The following PKHD1 variants were observed in gnomAD, a reference collection of about 807,000 sequenced individuals.
PKHD1 encodes the protein fibrocystin.
In PKHD1, 291 loss-of-function variants were observed where a neutral mutation model predicts 412.0. That is an observed-to-expected ratio of 0.71 (90% confidence interval 0.64 to 0.78). The LOEUF (loss-of-function observed/expected upper bound fraction) is 0.78, where lower values mean the gene tolerates loss of function less well. Among genes scored for constraint, PKHD1 ranks in the 30% least tolerant of loss-of-function variants. PKHD1 has a pLI of 0.00. For missense variants in PKHD1, 4,825 were observed against 4,950.7 expected (o/e 0.97, Z 0.76); for synonymous variants, 1,777 against 1,821.5 (o/e 0.98, Z 0.62).
chr6:51,950,433 G>T (rs563180170), intron 36 of PKHD1, among the ~76,000 whole-genome samples: 12 of 152,128 alleles, frequency 7.9e-5, no homozygotes, highest in African/African-American at 2.4e-4. Context: ...TTTGGGAAAT[G>T]AGTAGTTGGG....
chr6:51,846,685 TG>T (rs1771219046), intron 50 of PKHD1, among the ~76,000 whole-genome samples: 1 of 152,166 alleles, frequency 6.6e-6, no homozygotes, highest in South Asian at 2.1e-4. Flanking sequence ...GAAAAACCTT[TG>T]GCCTCTGTGA....
At chr6:51,767,651 A>G (rs1789335658) in intron 55 of PKHD1, among the ~76,000 whole-genome samples, 1 of 152,038 alleles carries the variant, frequency 6.6e-6, no homozygotes, top group African/African-American at 2.4e-5. Context: ...TGAACTCATC[A>G]TTTTTTATGG....
At chr6:51,990,720 C>G (rs939547682) in intron 35 of PKHD1, among the ~76,000 whole-genome samples, 5 of 152,122 alleles carry the variant, frequency 3.3e-5, no homozygotes, top group East Asian at 1.9e-4. Context: ...CTATCCCACT[C>G]TTTTCCCATC....
intron 35 of PKHD1, among the ~76,000 whole-genome samples, chr6:51,987,167 A>G (rs549987217): frequency 6.6e-6 from 1 of 152,358 alleles, no homozygotes; most frequent in East Asian, 1.9e-4. Flanking sequence ...CTCAGAGTCC[A>G]GTTGTTTTCT....
At chr6:51,772,648 G>A in intron 55 of PKHD1, 54 bp downstream of exon 55, 4 of 851,922 alleles carry the variant, frequency 4.7e-6, no homozygotes, top group Non-Finnish European at 7.8e-6. Flanking sequence ...ATCTCAAGCA[G>A]AAGCAACCTA....
chr6:51,795,007 G>A (rs74351029), intron 52 of PKHD1, among the ~76,000 whole-genome samples: 7 of 152,024 alleles, frequency 4.6e-5, no homozygotes, highest in South Asian at 2.1e-4. Context: ...TTGGCTATTC[G>A]GGCTCTTGTT....
intron 51 of PKHD1, among the ~76,000 whole-genome samples, chr6:51,834,761 T>C (rs1768895094): frequency 6.6e-6 from 1 of 152,174 alleles, no homozygotes; most frequent in African/African-American, 2.4e-5. Flanking sequence ...ACTCTTTGTG[T>C]TTTGAAATAG....
intron 60 of PKHD1, among the ~76,000 whole-genome samples, chr6:51,723,195 G>C (rs1044741110): frequency 2.6e-5 from 4 of 152,154 alleles, no homozygotes; most frequent in African/African-American, 9.7e-5. Flanking sequence ...TCTTAAAGGT[G>C]TCCTTTTGCT....
At position 51,616,664 on chromosome 6, in the gene PKHD1, A is replaced by T. The variant is rs564815142; in HGVS notation, c.*2417T>A. 4 of 398,406 alleles carry T rather than the reference A, an allele frequency of 1.0e-5. No homozygotes were observed. In the East Asian group the frequency reaches 1.4e-4, roughly 14 times the overall value. The allele number at this position is 398,406 out of a possible 1,614,324, so 24.7% of individuals were successfully genotyped here. A position where few individuals can be genotyped will look rare whatever the true frequency, so the allele number is the denominator to read the frequency against. ...GTTTATAGCTGCTATTTAGGCCCAA[A>T]GAGTCAATTCTGGCCTCAGGGATCA... On this transcript the variant is annotated 3_prime_UTR_variant, in exon 67 of 67. Coordinates refer to ENST00000371117, the MANE Select transcript of PKHD1 (RefSeq NM_138694.4).
intron 51 of PKHD1, among the ~76,000 whole-genome samples, chr6:51,835,347 T>C (rs942027543): frequency 2.0e-5 from 3 of 152,112 alleles, no homozygotes; most frequent in Non-Finnish European, 2.9e-5. Context: ...ATCAAATCTC[T>C]CCTTGGAGAA....
At chr6:52,078,751 A>C (rs948288018) in intron 5 of PKHD1, among the ~76,000 whole-genome samples, 16 of 152,198 alleles carry the variant, frequency 1.1e-4, no homozygotes, top group African/African-American at 3.6e-4. Flanking sequence ...GGTGAAAAGG[A>C]TCATGGTGAT....
At chr6:51,660,556 C>T (rs1246620322) in intron 60 of PKHD1, among the ~76,000 whole-genome samples, 1 of 152,154 alleles carries the variant, frequency 6.6e-6, no homozygotes, top group Non-Finnish European at 1.5e-5. Context: ...TTCTGAACAA[C>T]TGGCTATATA....
chr6:51,748,694 T>G (rs747265912), intron 57 of PKHD1, 29 bp from the exon 58 acceptor site: 9 of 1,608,034 alleles, frequency 5.6e-6, no homozygotes, highest in Non-Finnish European at 7.7e-6. Context: ...CATCAGGTAC[T>G]TTCCTCTTCC....
chr6:51,632,705 C>A lies in PKHD1; in HGVS notation c.11525G>T (p.Arg3842Leu), dbSNP rs76572975. 32,872 of 1,612,948 alleles carry A rather than the reference C, an allele frequency of 0.02. 441 individuals carry two copies. The highest frequency in any genetic ancestry group is 0.048 in the Middle Eastern group (292 of 6,052). The change falls in exon 65 of 67, where the codon CGA becomes CTA. Residue 3842 changes from arginine to leucine, a missense_variant. Arg to Leu is a moderately radical substitution (Grantham distance 102, BLOSUM62 -2). Coordinates refer to ENST00000371117, the MANE Select transcript of PKHD1 (RefSeq NM_138694.4). ...TSPPGVNFTA[R>L]SKPFAVLPVT... Reference sequence around the variant, plus strand: ...AGGCAAGACAGCAAATGGCTTGGATCGAGCTGTAAAATTGACTCCTGTGGC... The same window carrying A: ...AGGCAAGACAGCAAATGGCTTGGATAGAGCTGTAAAATTGACTCCTGTGGC...
intron 39 of PKHD1, 60 bp downstream of exon 39, chr6:51,911,739 A>C: frequency 7.0e-7 from 1 of 1,432,344 alleles, no homozygotes; most frequent in Non-Finnish European, 9.8e-7. Context: ...GCCATCTATC[A>C]TCAGACAGTA....
chr6:51,868,379 T>C (rs1300212413), intron 47 of PKHD1, among the ~76,000 whole-genome samples: 1 of 152,230 alleles, frequency 6.6e-6, no homozygotes, highest in East Asian at 1.9e-4. Flanking sequence ...GCAGTGATTT[T>C]TCTATCATGG....
chr6:52,079,026 G>A (rs755553161), intron 5 of PKHD1, among the ~76,000 whole-genome samples: 3 of 152,290 alleles, frequency 2.0e-5, no homozygotes, highest in South Asian at 4.1e-4. Context: ...GCCTTATTCC[G>A]AAGGAGCATT....
chr6:51,895,943 T>A (rs890232839), intron 43 of PKHD1, among the ~76,000 whole-genome samples: 3 of 152,132 alleles, frequency 2.0e-5, no homozygotes, highest in Non-Finnish European at 4.4e-5. Flanking sequence ...CCCACCCGAA[T>A]ACTGCGCTTT....
intron 56 of PKHD1, 41 bp downstream of exon 56, chr6:51,754,743 T>C (rs373527091): frequency 1.3e-5 from 21 of 1,584,090 alleles, no homozygotes; most frequent in Non-Finnish European, 1.7e-5. Context: ...ATGGTCTTCC[T>C]AGCTCATTCA....
Sources: gnomAD v4.1 joint callset for allele counts (sites outside exome capture counted in the v4.1 genomes callset) on GRCh38, gnomAD v4.1.1 for gene constraint, MANE v1.5 for transcripts, NCBI Gene and HGNC (gene_info 2026-07-23, HGNC 2026-07-21) for gene names.